The following DRC5 variants were observed in gnomAD, a reference collection of about 807,000 sequenced individuals.
The protein encoded by DRC5 is dynein regulatory complex subunit 5.
At chr6:44,296,944 T>TGGG in the DRC5 span, among the ~76,000 whole-genome samples, 1 of 150,750 alleles carries the variant, frequency 6.6e-6, no homozygotes, top group African/African-American at 2.5e-5. Context: ...TCGGCCCGTG[T>TGGG]GCTTGGACTT....
At chr6:44,282,156 T>C in the DRC5 span, 1 of 1,614,190 alleles carries the variant, frequency 6.2e-7, no homozygotes, top group Non-Finnish European at 8.5e-7. Context: ...GAGTGTGGTG[T>C]TGATGGCGAG....
At chr6:44,280,542 T>G in the DRC5 span, 1 of 630,674 alleles carries the variant, frequency 1.6e-6, no homozygotes, top group South Asian at 2.0e-5. Context: ...ATTCTGTTCT[T>G]TTCCATTTGA....
the DRC5 span, chr6:44,280,401 G>T: frequency 6.2e-7 from 1 of 1,603,412 alleles, no homozygotes; most frequent in African/African-American, 1.3e-5. Context: ...CTGGGAGAAG[G>T]GTGCAAAGGA....
chr6:44,295,287 CAG>C, the DRC5 span, among the ~76,000 whole-genome samples: 1 of 152,170 alleles, frequency 6.6e-6, no homozygotes, highest in Non-Finnish European at 1.5e-5. Context: ...GCTGCGCTCT[CAG>C]AGGGGGAAAG....
the DRC5 span, among the ~76,000 whole-genome samples, chr6:44,292,131 T>G: frequency 6.6e-6 from 1 of 152,164 alleles, no homozygotes; most frequent in East Asian, 1.9e-4. Context: ...TCACCACTGC[T>G]CACTGGGTAA....
At chr6:44,288,425 G>C in the DRC5 span, among the ~76,000 whole-genome samples, 16 of 152,232 alleles carry the variant, frequency 1.1e-4, no homozygotes, top group East Asian at 3.1e-3. Flanking sequence ...AAGTATCACG[G>C]GTGGGTTTAA....
chr6:44,290,260 G>A, the DRC5 span, among the ~76,000 whole-genome samples: 10 of 152,334 alleles, frequency 6.6e-5, no homozygotes, highest in Admixed American at 1.3e-4. Context: ...CCTTGGCCAA[G>A]TTACTTAACC....
chr6:44,286,513 C>A, the DRC5 span: 1 of 1,613,134 alleles, frequency 6.2e-7, no homozygotes, highest in Non-Finnish European at 8.5e-7. Context: ...CCGGGAGCAT[C>A]TGCTTCAGGA....
At chr6:44,285,485 G>A in the DRC5 span, among the ~76,000 whole-genome samples, 1 of 152,152 alleles carries the variant, frequency 6.6e-6, no homozygotes, top group Non-Finnish European at 1.5e-5. Flanking sequence ...GAACTCCGAG[G>A]CTCAAGGGAT....
chr6:44,284,462 G>A, the DRC5 span, among the ~76,000 whole-genome samples: 2 of 151,858 alleles, frequency 1.3e-5, no homozygotes, highest in Admixed American at 6.6e-5. Flanking sequence ...TCATGAAGAT[G>A]GCACACATTC....
chr6:44,293,728 G>A, the DRC5 span, among the ~76,000 whole-genome samples: 3 of 152,152 alleles, frequency 2.0e-5, no homozygotes, highest in Admixed American at 2.0e-4. Context: ...TGGGAAGTGG[G>A]GAGGGCCTCC....
chr6:44,280,523 T>G, the DRC5 span: 10 of 666,072 alleles, frequency 1.5e-5, no homozygotes, highest in Non-Finnish European at 2.3e-5. Context: ...TTGTGACGCA[T>G]GATGACATAT....
chr6:44,286,924 G>C, the DRC5 span, among the ~76,000 whole-genome samples: 1 of 152,216 alleles, frequency 6.6e-6, no homozygotes, highest in Admixed American at 6.5e-5. Context: ...ACTGGAGGTA[G>C]CACTATGAGA....
At chr6:44,296,883 A>C in the DRC5 span, among the ~76,000 whole-genome samples, 1 of 8,380 alleles carries the variant, frequency 1.2e-4, no homozygotes, top group East Asian at 0.012. Flanking sequence ...AGTCACTCCC[A>C]AGTTGGGAAT....
the DRC5 span, among the ~76,000 whole-genome samples, chr6:44,283,241 G>A: frequency 6.6e-5 from 10 of 152,154 alleles, no homozygotes; most frequent in African/African-American, 2.4e-4. Context: ...GTTGAGACAG[G>A]TTTGGAATCC....
chr6:44,278,933 G>A, the DRC5 span: 1 of 151,802 alleles, frequency 6.6e-6, no homozygotes, highest in Non-Finnish European at 1.5e-5. Flanking sequence ...ACTGTCAGAG[G>A]GTGTCAGGCA....
At chr6:44,281,345 G>A in the DRC5 span, among the ~76,000 whole-genome samples, 9 of 152,142 alleles carry the variant, frequency 5.9e-5, no homozygotes, top group Admixed American at 2.0e-4. Context: ...CATATATCAC[G>A]TCATAAATTT....
the DRC5 span, among the ~76,000 whole-genome samples, chr6:44,295,701 A>G: frequency 6.6e-6 from 1 of 152,186 alleles, no homozygotes; most frequent in Non-Finnish European, 1.5e-5. Context: ...GCCTTCAATA[A>G]CATGTACATA....
At chr6:44,287,840 A>C in the DRC5 span, 2 of 1,609,750 alleles carry the variant, frequency 1.2e-6, no homozygotes, top group East Asian at 4.5e-5. Context: ...GAGGCTGGCA[A>C]GGTAGGGGTG....
Sources: allele counts gnomAD v4.1 joint callset (sites outside exome capture counted in the v4.1 genomes callset), GRCh38; gene constraint gnomAD v4.1.1; transcripts MANE v1.5; gene names NCBI Gene and HGNC (gene_info 2026-07-23, HGNC 2026-07-21).